The following GDAP1 variants were observed in gnomAD, a reference collection of about 807,000 sequenced individuals.
The protein encoded by GDAP1 is ganglioside-induced differentiation-associated protein 1.
Under a neutral mutation model 40.1 loss-of-function variants are expected in GDAP1, and 34 were observed. The observed-to-expected ratio is 0.85, with a 90% CI of 0.64 to 1.13. GDAP1 has a LOEUF of 1.13. Ranked by LOEUF, GDAP1 falls within the 50% of genes most tolerant of loss-of-function variation. The pLI, the probability that GDAP1 is intolerant of heterozygous loss-of-function variation, is 0.00. For missense variants in GDAP1, 374 were observed against 433.7 expected, an observed-to-expected ratio of 0.86 and a Z score of 1.22; for synonymous variants, 170 against 157.4, an observed-to-expected ratio of 1.08 and a Z score of -0.60.
rs546682025 is a variant in GDAP1 at position 74,477,833 on chromosome 8, G to A, written c.166-10845G>A. ...ACTCATCAGCTGGGGCAAGGTGCTA[G>A]TATGTGCTGGGGTACTGGCTTTCAT... is the stretch of plus-strand genomic sequence containing the variant. On this transcript the variant is annotated intron_variant, in intron 2 of 2. Transcript: ENST00000523640. Among the ~76,000 whole-genome samples the A allele has an allele frequency of 3.3e-5, 5 of 152,304 alleles. No individual in the cohort carries two copies. The South Asian group carries it at 1.0e-3, about 32-fold the overall frequency.
At chr8:74,418,768 T>C (rs542818599) in intron 2 of GDAP1, among the ~76,000 whole-genome samples, 5 of 152,184 alleles carry the variant, frequency 3.3e-5, no homozygotes, top group Non-Finnish European at 7.4e-5. Flanking sequence ...GTAGAAAATA[T>C]TGGCAAATCT....
chr8:74,434,662 C>T (rs1213300150), intron 2 of GDAP1, among the ~76,000 whole-genome samples: 1 of 152,162 alleles, frequency 6.6e-6, no homozygotes, highest in Non-Finnish European at 1.5e-5. Flanking sequence ...AGGCCTTATA[C>T]CATGCCCCTT....
At chr8:74,447,239 T>A (rs1291497442) in intron 2 of GDAP1, among the ~76,000 whole-genome samples, 1 of 152,184 alleles carries the variant, frequency 6.6e-6, no homozygotes, top group Non-Finnish European at 1.5e-5. Flanking sequence ...ATTAATGTCG[T>A]TAATTCAATC....
intron 2 of GDAP1, among the ~76,000 whole-genome samples, chr8:74,406,125 T>G (rs1248477940): frequency 2.0e-5 from 3 of 150,296 alleles, no homozygotes; most frequent in Non-Finnish European, 4.4e-5. Flanking sequence ...ATGACTTGGA[T>G]CATCTAAGAT....
At chr8:74,474,274 T>A (rs1806597705) in intron 2 of GDAP1, among the ~76,000 whole-genome samples, 1 of 152,150 alleles carries the variant, frequency 6.6e-6, no homozygotes, top group Non-Finnish European at 1.5e-5. Flanking sequence ...CATATTTGGA[T>A]GCCCTTTATT....
rs76910112 is a variant in GDAP1, at chr8:74,408,568, C to T, written c.165+57247C>T. Among the ~76,000 whole-genome samples the T allele has an allele frequency of 6.1e-3, 911 of 150,096 alleles. 93 individuals carry two copies. Among genetic ancestry groups the T allele is most frequent in the African/African-American group, 0.022 (851 of 39,452 alleles). ...CCATCCATGAGCCAGGAAACACATC[C>T]TCACCAGATACTGGATTTGTCAGTA... On this transcript the variant is annotated intron_variant, in intron 2 of 2. Transcript: ENST00000523640.
At chr8:74,432,418 T>C (rs1255921883) in intron 2 of GDAP1, among the ~76,000 whole-genome samples, 1 of 152,202 alleles carries the variant, frequency 6.6e-6, no homozygotes, top group African/African-American at 2.4e-5. Flanking sequence ...TTTATGCTTA[T>C]AATATTTGTC....
At chr8:74,368,716 G>A (rs1357742837), downstream of GDAP1, among the ~76,000 whole-genome samples, 1 of 152,178 alleles carries the variant, frequency 6.6e-6, no homozygotes, top group Non-Finnish European at 1.5e-5. Flanking sequence ...CTAGTCAGGA[G>A]TAAGGACCAT....
At chr8:74,380,646 A>G (rs543618167) in intron 2 of GDAP1, among the ~76,000 whole-genome samples, 1 of 152,318 alleles carries the variant, frequency 6.6e-6, no homozygotes, top group African/African-American at 2.4e-5. Flanking sequence ...TAAAATAATC[A>G]TTCCGTGAGT....
chr8:74,360,163 A>G lies in GDAP1; in HGVS notation c.337A>G (p.Lys113Glu), dbSNP rs755328951. 4 of 1,613,494 alleles carry G rather than the reference A, an allele frequency of 2.5e-6. No individual in the cohort carries two copies. The highest frequency in any genetic ancestry group is 3.4e-6 in the Non-Finnish European group (4 of 1,179,392). The change falls in exon 3 of 6, where the codon AAA (lysine) becomes GAA (glutamate). Residue 113 changes from lysine to glutamate, a missense_variant. Coordinates refer to ENST00000220822, the MANE Select transcript of GDAP1 (RefSeq NM_018972.4). ...DERTPRLMPD[K>E]ESMYYPRVQH... ...AAGAACACCCAGGTTAATGCCTGAT[A>G]AAGAAAGCATGTATTACCCACGGGT...
rs1214907321 is a variant in GDAP1 at position 74,364,891 on chromosome 8, C to G, written c.*524C>G. On this transcript the variant is annotated 3_prime_UTR_variant, in exon 6 of 6. Transcript: ENST00000220822. Reference sequence around the variant, plus strand: ...TTTAGTAAGATTAAGTGCTTATATACTAGAAATTTGATGCTCATTGGAACA... The same window carrying G: ...TTTAGTAAGATTAAGTGCTTATATAGTAGAAATTTGATGCTCATTGGAACA... The G allele has an allele frequency of 2.2e-6, 1 of 454,018 alleles. No homozygotes were observed. The highest frequency in any genetic ancestry group is 4.4e-6 in the Non-Finnish European group (1 of 226,830). 28.1% of individuals were successfully genotyped at this position (454,018 alleles called of 1,614,324 possible).
At chr8:74,367,528 A>AT (rs1809681007), downstream of GDAP1, among the ~76,000 whole-genome samples, 2 of 152,242 alleles carry the variant, frequency 1.3e-5, no homozygotes, top group African/African-American at 2.4e-5. Flanking sequence ...CTCAGAAAAA[A>AT]AAAACAGTAT....
At chr8:74,369,018 G>T (rs1449036668), downstream of GDAP1, among the ~76,000 whole-genome samples, 1 of 152,182 alleles carries the variant, frequency 6.6e-6, no homozygotes, top group Non-Finnish European at 1.5e-5. Context: ...ATCTGCAAGG[G>T]AGACGTATTC....
chr8:74,461,451 G>A (rs1326763054), intron 2 of GDAP1, among the ~76,000 whole-genome samples: 1 of 152,178 alleles, frequency 6.6e-6, no homozygotes, highest in African/African-American at 2.4e-5. Context: ...TGAGGAGCTA[G>A]GTCTTTTAAG....
intron 2 of GDAP1, among the ~76,000 whole-genome samples, chr8:74,353,197 T>G (rs1001607933): frequency 6.6e-6 from 1 of 152,220 alleles, no homozygotes; most frequent in Non-Finnish European, 1.5e-5. Flanking sequence ...TTTTGATTAC[T>G]TAAGAATTAG....
At chr8:74,402,258 GC>G (rs1175142647) in intron 2 of GDAP1, among the ~76,000 whole-genome samples, 1 of 150,524 alleles carries the variant, frequency 6.6e-6, no homozygotes, top group East Asian at 1.9e-4. Context: ...CTGGGCAATG[GC>G]GGGCGCCCCT....
At position 74,397,521 on chromosome 8, in the gene GDAP1, A is replaced by T. The variant is rs575615734; in HGVS notation, c.165+46200A>T. On this transcript the variant is annotated intron_variant, in intron 2 of 2. Transcript: ENST00000523640. ...CATTTAAGTCTTTAATCCATCTTGA[A>T]TTAATTTTTGTATAAGGTGAAGGAA... Among the ~76,000 whole-genome samples, 179 of 152,250 alleles carry T rather than the reference A, an allele frequency of 1.2e-3. No homozygotes were observed. In the Middle Eastern group the frequency reaches 0.027, roughly 23 times the overall value.
intron 2 of GDAP1, among the ~76,000 whole-genome samples, chr8:74,464,054 A>C (rs1383286301): frequency 6.6e-6 from 1 of 152,234 alleles, no homozygotes; most frequent in East Asian, 1.9e-4. Flanking sequence ...TACCATCCCA[A>C]GAGAGAATAA....
chr8:74,443,621 C>T (rs1806191063), intron 2 of GDAP1, among the ~76,000 whole-genome samples: 1 of 152,026 alleles, frequency 6.6e-6, no homozygotes, highest in African/African-American at 2.4e-5. Flanking sequence ...AACAACTTAG[C>T]GAGACTTCCT....
Sources: allele counts gnomAD v4.1 joint callset (sites outside exome capture counted in the v4.1 genomes callset), GRCh38; gene constraint gnomAD v4.1.1; transcripts MANE v1.5; gene names NCBI Gene and HGNC (gene_info 2026-07-23, HGNC 2026-07-21).